The following ZNF644 variants were observed in gnomAD, a reference collection of about 807,000 sequenced individuals.
The protein encoded by ZNF644 is zinc finger protein 644.
ZNF644 carries 20 observed loss-of-function variants against 108.0 expected under a neutral mutation model. That is an observed-to-expected ratio of 0.19 (90% confidence interval 0.13 to 0.27). ZNF644 has a LOEUF of 0.27. Ranked by LOEUF, ZNF644 falls within the 10% of genes least tolerant of loss-of-function variation. The probability of loss-of-function intolerance (pLI) is 1.00; values close to 1 mark genes in which losing one functional copy is unlikely to be tolerated. For missense variants in ZNF644, 1,338 were observed against 1,548.9 expected (o/e 0.86, Z 2.29); for synonymous variants, 542 against 539.1 (o/e 1.01, Z -0.08).
At chr1:91,006,636 T>TC (rs1659447266) in intron 1 of ZNF644, among the ~76,000 whole-genome samples, 3 of 152,126 alleles carry the variant, frequency 2.0e-5, no homozygotes, top group African/African-American at 7.2e-5. Context: ...GTCTTTTTTT[T>TC]CTCTAAAGAC....
Position 90,944,687 on chromosome 1 carries a change from C to A in ZNF644, c.45-3378G>T, listed in dbSNP as rs1652343228. 2.0e-5 allele frequency among the ~76,000 whole-genome samples: 3 copies of A among 152,242 alleles called. No homozygotes were observed. In the South Asian group the frequency reaches 6.2e-4, roughly 32 times the overall value. On this transcript the variant is annotated intron_variant, in intron 2 of 5. Coordinates refer to ENST00000337393, the MANE Select transcript of ZNF644 (RefSeq NM_201269.3). ...TTTTCTGTTCATGAGTAATTCTTTA[C>A]TGAGAGAAAATTAGCTTAATTTTGT... is the stretch of plus-strand genomic sequence containing the variant.
chr1:91,020,302 A>G (rs1430627405), intron 1 of ZNF644: 1 of 152,224 alleles, frequency 6.6e-6, no homozygotes, highest in East Asian at 1.9e-4. Context: ...CAGTTTGAAC[A>G]CAGAGATCTA....
At chr1:91,000,672 A>AG (rs1658674749) in intron 1 of ZNF644, among the ~76,000 whole-genome samples, 3 of 152,234 alleles carry the variant, frequency 2.0e-5, no homozygotes, top group Non-Finnish European at 4.4e-5. Context: ...AAAGCAAGAA[A>AG]TAACTAAGAT....
At chr1:90,919,471 A>G (rs1489730465) in intron 4 of ZNF644, among the ~76,000 whole-genome samples, 1 of 152,154 alleles carries the variant, frequency 6.6e-6, no homozygotes, top group Non-Finnish European at 1.5e-5. Flanking sequence ...GGCAATGATA[A>G]CAGAAATGTC....
intron 1 of ZNF644, among the ~76,000 whole-genome samples, chr1:90,996,500 G>C (rs1658158953): frequency 6.6e-6 from 1 of 152,124 alleles, no homozygotes; most frequent in Admixed American, 6.5e-5. Flanking sequence ...TAGCAGCCTG[G>C]GGGATCAGGC....
At chr1:91,005,527 G>A (rs997901150) in intron 1 of ZNF644, among the ~76,000 whole-genome samples, 2 of 152,054 alleles carry the variant, frequency 1.3e-5, no homozygotes, top group African/African-American at 4.8e-5. Flanking sequence ...CTAGGTGTTA[G>A]GCCATCAGAC....
At chr1:91,017,390 A>T (rs2100692728) in intron 1 of ZNF644, among the ~76,000 whole-genome samples, 1 of 152,316 alleles carries the variant, frequency 6.6e-6, no homozygotes. Flanking sequence ...TTAGTAGGAG[A>T]GGGGAAAGAA....
At chr1:90,982,457 GA>G (rs1656648533) in intron 1 of ZNF644, 87 bp from the exon 2 acceptor site, 2 of 873,386 alleles carry the variant, frequency 2.3e-6, no homozygotes, top group African/African-American at 3.3e-5. Context: ...TATTTTAAAT[GA>G]AAAAACACAA....
chr1:90,940,450 G>C lies in ZNF644; in HGVS notation c.904C>G (p.Arg302Gly), dbSNP rs150603093. 3 of 1,613,408 alleles carry C rather than the reference G, an allele frequency of 1.9e-6. No individual in the cohort carries two copies. The highest frequency in any genetic ancestry group is 2.5e-6 in the Non-Finnish European group (3 of 1,179,868). Residue 302 changes from arginine to glycine, a missense_variant, in exon 3 of 6, where the codon CGT (arginine) becomes GGT (glycine). Coordinates refer to ENST00000337393, the MANE Select transcript of ZNF644 (RefSeq NM_201269.3). Reference sequence around the variant, plus strand: ...TCACTAAAGCAATCCTCGGTATAACGAGTTATCTTGCTTACATCCATTTTT... The same window carrying C: ...TCACTAAAGCAATCCTCGGTATAACCAGTTATCTTGCTTACATCCATTTTT... ...KRKMDVSKIT[R>G]YTEDCFSDSN...
chr1:90,992,725 G>C (rs927650317), intron 1 of ZNF644, among the ~76,000 whole-genome samples: 7 of 152,136 alleles, frequency 4.6e-5, no homozygotes, highest in Non-Finnish European at 8.8e-5. Flanking sequence ...CCATGTATTT[G>C]GCAAGGAAAT....
At chr1:90,965,606 AAT>A (rs1192178256) in intron 2 of ZNF644, among the ~76,000 whole-genome samples, 1 of 152,292 alleles carries the variant, frequency 6.6e-6, no homozygotes, top group East Asian at 1.9e-4. Context: ...GAGGACAAAA[AAT>A]AGTTCCTAAA....
At chr1:90,984,426 G>A (rs1457442152) in intron 1 of ZNF644, among the ~76,000 whole-genome samples, 1 of 151,242 alleles carries the variant, frequency 6.6e-6, no homozygotes, top group Non-Finnish European at 1.5e-5. Flanking sequence ...TACCCAATAT[G>A]ACTGGTGTCT....
intron 2 of ZNF644, among the ~76,000 whole-genome samples, chr1:90,949,089 A>C (rs929580396): frequency 3.3e-5 from 5 of 152,070 alleles, no homozygotes; most frequent in African/African-American, 1.2e-4. Flanking sequence ...GAAGGATTTA[A>C]ATCGTAAACA....
intron 1 of ZNF644, among the ~76,000 whole-genome samples, chr1:90,993,551 C>T (rs1318487242): frequency 6.6e-6 from 1 of 152,160 alleles, no homozygotes; most frequent in Admixed American, 6.5e-5. Context: ...GACAGAGCAA[C>T]TCTATCTTAA....
At chr1:90,919,259 G>C (rs1649152355) in intron 4 of ZNF644, among the ~76,000 whole-genome samples, 1 of 151,836 alleles carries the variant, frequency 6.6e-6, no homozygotes, top group Non-Finnish European at 1.5e-5. Flanking sequence ...AAGGGGGGAG[G>C]GATACAAATG....
At chr1:91,016,604 T>A (rs1339463466) in intron 1 of ZNF644, among the ~76,000 whole-genome samples, 1 of 152,154 alleles carries the variant, frequency 6.6e-6, no homozygotes, top group Non-Finnish European at 1.5e-5. Flanking sequence ...CCAAAGAACA[T>A]CATTATGCTG....
chr1:90,960,152 T>C (rs1049481625), intron 2 of ZNF644, among the ~76,000 whole-genome samples: 2 of 152,126 alleles, frequency 1.3e-5, no homozygotes, highest in Admixed American at 1.3e-4. Flanking sequence ...AATTCAGATA[T>C]GTCAAAGAGA....
intron 4 of ZNF644, chr1:90,935,572 A>G (rs1651225116): frequency 2.0e-6 from 2 of 985,564 alleles, no homozygotes; most frequent in Non-Finnish European, 2.4e-6. Flanking sequence ...CTCACTTCAA[A>G]AAGTGAAATT....
intron 4 of ZNF644, among the ~76,000 whole-genome samples, chr1:90,932,205 C>T (rs1311638414): frequency 6.6e-6 from 1 of 152,172 alleles, no homozygotes; most frequent in Non-Finnish European, 1.5e-5. Flanking sequence ...CCAGTTCCCA[C>T]AGAAAAGACC....
Sources: allele counts gnomAD v4.1 joint callset (sites outside exome capture counted in the v4.1 genomes callset), GRCh38; gene constraint gnomAD v4.1.1; transcripts MANE v1.5; gene names NCBI Gene and HGNC (gene_info 2026-07-23, HGNC 2026-07-21).